Variants in SNX10 observed in about 807,000 individuals in gnomAD.
The protein encoded by SNX10 is sorting nexin 10, also known as sorting nexin-10.
A neutral mutation model predicts 28.5 loss-of-function variants in SNX10; 25 were observed. That is an observed-to-expected ratio of 0.88 (90% confidence interval 0.64 to 1.22). The LOEUF is 1.22. Among genes scored for constraint, SNX10 ranks in the 50% most tolerant of loss-of-function variants. The probability of loss-of-function intolerance (pLI) is 0.00; values close to 1 mark genes in which losing one functional copy is unlikely to be tolerated. For synonymous variants in SNX10, 62 were observed against 81.4 expected, an observed-to-expected ratio of 0.76 and a Z score of 1.28; for missense variants, 223 against 242.6, an observed-to-expected ratio of 0.92 and a Z score of 0.54.
intron 2 of SNX10, chr7:26,360,707 G>T: frequency 7.2e-6 from 4 of 557,380 alleles, no homozygotes; most frequent in Non-Finnish European, 1.1e-5. Context: ...AGTATACTTT[G>T]TCTTCAGATA....
chr7:26,313,100 G>A (rs1460262487), intron 1 of SNX10, among the ~76,000 whole-genome samples: 1 of 152,242 alleles, frequency 6.6e-6, no homozygotes, highest in East Asian at 1.9e-4. Flanking sequence ...TGTCTTATCA[G>A]TGGGTGCTGG....
At chr7:26,358,813 T>G (rs1305486184) in intron 2 of SNX10, among the ~76,000 whole-genome samples, 16 of 146,576 alleles carry the variant, frequency 1.1e-4, no homozygotes, top group Non-Finnish European at 1.9e-4. Context: ...GTGTTTTTTT[T>G]TTTTTTTTTT....
At chr7:26,298,813 C>CA (rs1381117361) in intron 1 of SNX10, among the ~76,000 whole-genome samples, 1 of 152,214 alleles carries the variant, frequency 6.6e-6, no homozygotes, top group African/African-American at 2.4e-5. Flanking sequence ...GGCTTGCAGA[C>CA]AGCCGCCTTC....
At chr7:26,348,748 C>T (rs1046214849) in intron 2 of SNX10, among the ~76,000 whole-genome samples, 1 of 152,192 alleles carries the variant, frequency 6.6e-6, no homozygotes, top group Non-Finnish European at 1.5e-5. Context: ...TTTCCTGTGC[C>T]CCACCTACCA....
intron 2 of SNX10, among the ~76,000 whole-genome samples, chr7:26,355,728 A>G (rs1296222298): frequency 1.3e-5 from 2 of 152,236 alleles, no homozygotes; most frequent in Non-Finnish European, 2.9e-5. Context: ...CCAAAACAAT[A>G]CAATTACAGT....
At chr7:26,333,384 G>T (rs1311551792) in intron 1 of SNX10, among the ~76,000 whole-genome samples, 3 of 145,190 alleles carry the variant, frequency 2.1e-5, no homozygotes, top group Non-Finnish European at 4.5e-5. Context: ...GAGTGCAGTG[G>T]CGTGATCTCC....
chr7:26,311,689 T>C (rs1786859726), intron 1 of SNX10, among the ~76,000 whole-genome samples: 1 of 152,168 alleles, frequency 6.6e-6, no homozygotes. Flanking sequence ...AGGCACACTA[T>C]AGGAACATGG....
intron 1 of SNX10, among the ~76,000 whole-genome samples, chr7:26,298,930 C>T (rs1211685419): frequency 6.6e-6 from 1 of 152,224 alleles, no homozygotes; most frequent in Non-Finnish European, 1.5e-5. Flanking sequence ...CTTTTAACCT[C>T]ATCTAAACCT....
intron 1 of SNX10, among the ~76,000 whole-genome samples, chr7:26,302,658 G>A (rs567992583): frequency 1.3e-5 from 2 of 152,268 alleles, no homozygotes; most frequent in South Asian, 2.1e-4. Context: ...GTGCACCCTC[G>A]GTTTCTGGTA....
intron 5 of SNX10, chr7:26,370,855 T>C (rs957980134): frequency 3.9e-5 from 6 of 152,198 alleles, no homozygotes; most frequent in Non-Finnish European, 7.4e-5. Context: ...GGTCTTAGTG[T>C]CTCCTCTTAC....
intron 1 of SNX10, among the ~76,000 whole-genome samples, chr7:26,309,519 G>A (rs1387949580): frequency 6.6e-6 from 1 of 152,152 alleles, no homozygotes; most frequent in African/African-American, 2.4e-5. Flanking sequence ...GGTCTGCCGA[G>A]TGAATGCACT....
chr7:26,367,057 T>C (rs1789319869), intron 5 of SNX10, among the ~76,000 whole-genome samples: 1 of 152,142 alleles, frequency 6.6e-6, no homozygotes, highest in Non-Finnish European at 1.5e-5. Context: ...ATGTGAGCCT[T>C]GGAACAGTCA....
chr7:26,302,625 C>T lies in SNX10; in HGVS notation c.-24+10539C>T, dbSNP rs569996379. Among the ~76,000 whole-genome samples the T allele has an allele frequency of 3.9e-5, 6 of 152,320 alleles. No homozygotes were observed. In the East Asian group the frequency reaches 1.2e-3, roughly 29 times the overall value. ...TGTGCACTCTTATTCTTTGTTTTCACCAGCGTGGCTGCTTTCTGCGGGGTG... is the reference window on the plus strand; with the variant it reads ...TGTGCACTCTTATTCTTTGTTTTCATCAGCGTGGCTGCTTTCTGCGGGGTG... On this transcript the variant is annotated intron_variant, in intron 1 of 6. Transcript: ENST00000338523.
At chr7:26,342,121 AGTTCAAG>A (rs763250334) in intron 1 of SNX10, among the ~76,000 whole-genome samples, 2 of 149,660 alleles carry the variant, frequency 1.3e-5, no homozygotes, top group Non-Finnish European at 3.0e-5. Context: ...GCACCTCCCA[AGTTCAAG>A]TGATTCTCCT....
At chr7:26,363,851 T>C (rs1182232628) in intron 3 of SNX10, among the ~76,000 whole-genome samples, 1 of 152,228 alleles carries the variant, frequency 6.6e-6, no homozygotes, top group Non-Finnish European at 1.5e-5. Context: ...AGATATATAC[T>C]AGTTCATCCC....
chr7:26,315,483 A>G (rs904935296), intron 1 of SNX10, among the ~76,000 whole-genome samples: 1 of 152,012 alleles, frequency 6.6e-6, no homozygotes, highest in South Asian at 2.1e-4. Context: ...CCTGGCTAAC[A>G]TGGTGAAACC....
intron 1 of SNX10, among the ~76,000 whole-genome samples, chr7:26,314,435 T>A (rs1786986088): frequency 6.6e-6 from 1 of 152,180 alleles, no homozygotes; most frequent in African/African-American, 2.4e-5. Flanking sequence ...TTTGAATTTT[T>A]AGTAGATGGA....
chr7:26,320,663 A>C (rs1787277694), intron 1 of SNX10, among the ~76,000 whole-genome samples: 1 of 151,756 alleles, frequency 6.6e-6, no homozygotes, highest in Middle Eastern at 3.4e-3. Flanking sequence ...TGAACTCCTG[A>C]CCTTTTGATC....
intron 1 of SNX10, 159 bp downstream of exon 1, chr7:26,292,245 G>C (rs1785953455): frequency 6.6e-6 from 1 of 152,272 alleles, no homozygotes; most frequent in African/African-American, 2.4e-5. Context: ...TGGAGCAGAG[G>C]AGCCGCCTCC....
Sources: allele counts gnomAD v4.1 joint callset (sites outside exome capture counted in the v4.1 genomes callset), GRCh38; gene constraint gnomAD v4.1.1; transcripts MANE v1.5; gene names NCBI Gene and HGNC (gene_info 2026-07-23, HGNC 2026-07-21).